The following FZD3 variants were observed in gnomAD, a reference collection of about 807,000 sequenced individuals.
FZD3 encodes frizzled class receptor 3.
A neutral mutation model predicts 60.7 loss-of-function variants in FZD3; 30 were observed. That is an observed-to-expected ratio of 0.49 (90% CI 0.37 to 0.67). FZD3 has a LOEUF of 0.67. Among genes scored for constraint, FZD3 ranks in the 30% least tolerant of loss-of-function variants. FZD3 has a pLI of 0.00. For synonymous variants in FZD3, 246 were observed against 275.2 expected (o/e 0.89, Z 1.05); for missense variants, 605 against 838.7 (o/e 0.72, Z 3.44).
In FZD3 at chr8:28,520,130, A is replaced by G. The variant is rs184077664; in HGVS notation, c.190-508A>G. 5.9e-3 allele frequency among the ~76,000 whole-genome samples: 897 copies of G among 151,054 alleles called. 7 individuals are homozygous for G. The highest frequency in any genetic ancestry group is 0.013 in the Admixed American group (189 of 15,064). ...GAGGCTGAGGCAGGAGAATTGCTTG[A>G]ACTTGGGAGGCAGAGGTTGCAGTGA... On this transcript the variant is annotated intron_variant, in intron 3 of 7. Coordinates refer to ENST00000240093, the MANE Select transcript of FZD3 (RefSeq NM_017412.4).
At chr8:28,553,727 T>A (rs1805453586) in intron 6 of FZD3, among the ~76,000 whole-genome samples, 1 of 152,080 alleles carries the variant, frequency 6.6e-6, no homozygotes, top group Admixed American at 6.5e-5. Flanking sequence ...TGGGCTGGAG[T>A]GGCAGCCCCT....
chr8:28,500,184 G>T (rs1803951564), intron 2 of FZD3, among the ~76,000 whole-genome samples: 1 of 152,110 alleles, frequency 6.6e-6, no homozygotes, highest in African/African-American at 2.4e-5. Context: ...CAGTCTTGCT[G>T]TATCAAGATT....
At position 28,531,694 on chromosome 8, in the gene FZD3, G is replaced by A. The variant is rs77750342; in HGVS notation, c.1404+3530G>A. ...TTACCTTTTCCTTATTATACGTAAG[G>A]TTGAATGTGTTTTCGTATGTTTATT... On this transcript the variant is annotated intron_variant, in intron 5 of 7. Coordinates refer to ENST00000240093, the MANE Select transcript of FZD3 (RefSeq NM_017412.4). Among the ~76,000 whole-genome samples, 192 of 152,180 alleles carry A rather than the reference G, an allele frequency of 1.3e-3. 1 individual carries two copies. Among genetic ancestry groups the A allele is most frequent in the African/African-American group, 4.5e-3 (188 of 41,542 alleles).
At chr8:28,560,210 T>C (rs1411175895) in intron 7 of FZD3, among the ~76,000 whole-genome samples, 1 of 131,406 alleles carries the variant, frequency 7.6e-6, no homozygotes, top group Non-Finnish European at 1.6e-5. Flanking sequence ...TTATGTTGAC[T>C]TTGGAAGGCA....
intron 4 of FZD3, 85 bp downstream of exon 4, chr8:28,520,919 A>G: frequency 2.0e-6 from 2 of 997,318 alleles, no homozygotes; most frequent in East Asian, 5.2e-5. Context: ...TCTGTTTTAA[A>G]AAACTTTTTT....
At chr8:28,551,834 G>A in intron 6 of FZD3, 83 bp downstream of exon 6, 1 of 1,071,992 alleles carries the variant, frequency 9.3e-7, no homozygotes, top group Middle Eastern at 2.1e-4. Context: ...AAAATGACTT[G>A]GATTTGGAGA....
At chr8:28,522,401 A>G (rs919356819) in intron 4 of FZD3, among the ~76,000 whole-genome samples, 1 of 152,104 alleles carries the variant, frequency 6.6e-6, no homozygotes, top group African/African-American at 2.4e-5. Context: ...CAATTTATTG[A>G]TGTTCTACTT....
intron 3 of FZD3, among the ~76,000 whole-genome samples, chr8:28,509,325 CTT>C (rs549025550): frequency 1.3e-5 from 2 of 151,692 alleles, no homozygotes; most frequent in Middle Eastern, 3.4e-3. Context: ...AAATATAACA[CTT>C]ATATAAAATA....
At position 28,572,887 on chromosome 8, in the gene FZD3, G is replaced by A. The variant is rs746534170; in HGVS notation, c.*9876G>A. 3.9e-5 allele frequency: 6 copies of A among 151,994 alleles called. No individual in the cohort carries two copies. Among genetic ancestry groups the A allele is most frequent in the Admixed American group, 2.6e-4 (4 of 15,250 alleles). 9.4% of individuals were successfully genotyped at this position (151,994 alleles called of 1,614,324 possible). A position where few individuals can be genotyped will look rare whatever the true frequency, so the allele number is the denominator to read the frequency against. On this transcript the variant is annotated 3_prime_UTR_variant, in exon 8 of 8. Coordinates refer to ENST00000240093, the MANE Select transcript of FZD3 (RefSeq NM_017412.4). ...AATCCCCAATTTTGTGATTTAATAG[G>A]TTGTAAAAAGAGTTGTTCCAAATTC...
At chr8:28,539,800 G>A (rs997659087) in intron 5 of FZD3, among the ~76,000 whole-genome samples, 4 of 151,850 alleles carry the variant, frequency 2.6e-5, no homozygotes, top group Non-Finnish European at 4.4e-5. Flanking sequence ...CTGCCAACCT[G>A]ATTCAAAGCT....
In FZD3 at chr8:28,503,219, T is replaced by C. The variant is rs766547919; in HGVS notation, c.189+17T>C. 15 of 1,542,002 alleles carry C rather than the reference T, an allele frequency of 9.7e-6. No homozygotes were observed. The highest frequency in any genetic ancestry group is 1.7e-5 in the Admixed American group (1 of 59,210). ...GCAATGGAGGTAAGACTTGATCTAT[T>C]CTTTGACGTATCTTAGTAAATGACT... On this transcript the variant is annotated intron_variant, in intron 3 of 7. Transcript: ENST00000240093.
intron 5 of FZD3, among the ~76,000 whole-genome samples, chr8:28,533,930 T>G (rs2130399656): frequency 6.8e-6 from 1 of 147,732 alleles, no homozygotes; most frequent in East Asian, 2.0e-4. Context: ...TAAATAGATG[T>G]TGAGTTAAAC....
intron 3 of FZD3, among the ~76,000 whole-genome samples, chr8:28,517,748 A>C (rs1804469024): frequency 6.6e-6 from 1 of 152,086 alleles, no homozygotes; most frequent in South Asian, 2.1e-4. Flanking sequence ...TAGAATTTTA[A>C]TTTGATGCTT....
intron 5 of FZD3, among the ~76,000 whole-genome samples, chr8:28,547,141 G>A (rs964502587): frequency 1.1e-4 from 16 of 152,172 alleles, no homozygotes; most frequent in African/African-American, 2.2e-4. Context: ...ATGTTCACGC[G>A]TGTACAAACA....
chr8:28,535,119 G>T, intron 5 of FZD3, among the ~76,000 whole-genome samples: 1 of 152,120 alleles, frequency 6.6e-6, no homozygotes, highest in East Asian at 1.9e-4. Context: ...TACCAATTGG[G>T]TTTAGTGCAA....
intron 5 of FZD3, among the ~76,000 whole-genome samples, chr8:28,541,832 T>G (rs551177329): frequency 2.0e-5 from 3 of 152,360 alleles, no homozygotes; most frequent in Admixed American, 6.5e-5. Flanking sequence ...GATCCAGATT[T>G]GGAGCTATCT....
chr8:28,522,627 A>G (rs1188411448), intron 4 of FZD3, among the ~76,000 whole-genome samples: 1 of 152,128 alleles, frequency 6.6e-6, no homozygotes, highest in Non-Finnish European at 1.5e-5. Flanking sequence ...TTTTTATTTT[A>G]ATAGCTTATA....
At chr8:28,494,685 C>T (rs1436186607) in intron 1 of FZD3, among the ~76,000 whole-genome samples, 2 of 152,002 alleles carry the variant, frequency 1.3e-5, no homozygotes, top group Admixed American at 6.5e-5. Flanking sequence ...GCCCTGAGCC[C>T]GCGGCTCGGC....
chr8:28,506,178 ACT>A (rs1454890178), intron 3 of FZD3, among the ~76,000 whole-genome samples: 1 of 152,150 alleles, frequency 6.6e-6, no homozygotes, highest in Non-Finnish European at 1.5e-5. Flanking sequence ...GGTATTTACG[ACT>A]CTAGTGGTAA....
Sources: gnomAD v4.1 joint callset for allele counts (sites outside exome capture counted in the v4.1 genomes callset) on GRCh38, gnomAD v4.1.1 for gene constraint, MANE v1.5 for transcripts, NCBI Gene and HGNC (gene_info 2026-07-23, HGNC 2026-07-21) for gene names.